Variants in GATB observed in about 807,000 individuals in gnomAD.
The protein encoded by GATB is glutamyl-tRNA(Gln) amidotransferase subunit B, mitochondrial.
A neutral mutation model predicts 62.3 loss-of-function variants in GATB; 39 were observed. The observed-to-expected ratio is 0.63, with a 90% CI of 0.48 to 0.82. The LOEUF (loss-of-function observed/expected upper bound fraction) is 0.82. Ranked by LOEUF, GATB falls within the 40% of genes least tolerant of loss-of-function variation. The pLI is 0.00. For missense variants in GATB, 670 were observed against 684.0 expected (o/e 0.98, Z 0.23); for synonymous variants, 276 against 258.9 (o/e 1.07, Z -0.63).
chr4:151,726,132 T>G (rs983777662), intron 2 of GATB, among the ~76,000 whole-genome samples: 5 of 152,364 alleles, frequency 3.3e-5, no homozygotes, highest in Non-Finnish European at 7.3e-5. Flanking sequence ...GGTAAATGCT[T>G]TAATTTATGG....
At chr4:151,758,972 ATGAAT>A (rs1348290749) in intron 1 of GATB, 50 bp from the exon 2 acceptor site, 2 of 1,350,722 alleles carry the variant, frequency 1.5e-6, no homozygotes, top group Admixed American at 4.4e-5. Context: ...GTCACCATGA[ATGAAT>A]TTCTATAAGT....
intron 2 of GATB, among the ~76,000 whole-genome samples, chr4:151,731,800 G>C: frequency 6.7e-6 from 1 of 148,696 alleles, no homozygotes; most frequent in South Asian, 2.1e-4. Context: ...GTCTCTGCCC[G>C]GCCGCCCCGT....
At chr4:151,681,763 A>C (rs774116422) in intron 10 of GATB, among the ~76,000 whole-genome samples, 6 of 152,222 alleles carry the variant, frequency 3.9e-5, no homozygotes, top group Non-Finnish European at 8.8e-5. Flanking sequence ...GTCCAAGATA[A>C]AGGCGCTGGC....
intron 1 of GATB, among the ~76,000 whole-genome samples, chr4:151,760,576 C>CAA (rs1469464119): frequency 1.3e-5 from 2 of 152,232 alleles, no homozygotes; most frequent in African/African-American, 4.8e-5. Context: ...TGCTATTTTA[C>CAA]ACTCGCGAAT....
chr4:151,748,101 T>C (rs962754486), intron 2 of GATB, among the ~76,000 whole-genome samples: 3 of 152,230 alleles, frequency 2.0e-5, no homozygotes, highest in Non-Finnish European at 4.4e-5. Context: ...AGGTAATTTA[T>C]AGATTCAATG....
At chr4:151,707,886 A>G (rs1560851721) in intron 6 of GATB, 102 bp downstream of exon 6, 2 of 757,606 alleles carry the variant, frequency 2.6e-6, no homozygotes, top group Non-Finnish European at 4.5e-6. Context: ...AGTGAAAACG[A>G]AAGTAGTTCT....
intron 2 of GATB, among the ~76,000 whole-genome samples, chr4:151,755,928 A>G (rs775778680): frequency 3.9e-5 from 6 of 152,216 alleles, no homozygotes; most frequent in Non-Finnish European, 7.3e-5. Context: ...ATAGTAGGAC[A>G]CAATAGATAT....
chr4:151,698,591 A>C (rs1202297352), intron 9 of GATB, among the ~76,000 whole-genome samples: 1 of 152,200 alleles, frequency 6.6e-6, no homozygotes, highest in African/African-American at 2.4e-5. Context: ...TGAAGGCAGG[A>C]AAAAACACGA....
chr4:151,706,911 T>G (rs1738726692), intron 6 of GATB, among the ~76,000 whole-genome samples: 1 of 152,242 alleles, frequency 6.6e-6, no homozygotes. Context: ...TTAAAAAATC[T>G]TTTTAGTCCT....
intron 7 of GATB, among the ~76,000 whole-genome samples, chr4:151,704,226 A>C (rs1236878729): frequency 6.6e-6 from 1 of 152,196 alleles, no homozygotes; most frequent in Non-Finnish European, 1.5e-5. Flanking sequence ...CAAGTTATCT[A>C]AACAAAAATA....
At chr4:151,728,463 T>C (rs1362228946) in intron 2 of GATB, among the ~76,000 whole-genome samples, 3 of 152,246 alleles carry the variant, frequency 2.0e-5, no homozygotes, top group Non-Finnish European at 4.4e-5. Context: ...AGATCTTTAG[T>C]GAAGAAAGAT....
At position 151,698,408 on chromosome 4, in the gene GATB, A is replaced by C. The variant is rs151208341; in HGVS notation, c.1197+2921T>G. Reference sequence around the variant, plus strand: ...TGTGCATGGGGGTGGGCATGTGCATAATGCTTAATTTAATAAGCAATCCAA... The same window carrying C: ...TGTGCATGGGGGTGGGCATGTGCATCATGCTTAATTTAATAAGCAATCCAA... On this transcript the variant is annotated intron_variant, in intron 9 of 12. Transcript: ENST00000263985. 4.1e-3 allele frequency among the ~76,000 whole-genome samples: 617 copies of C among 152,254 alleles called. 4 individuals are homozygous for C. Among genetic ancestry groups the C allele is most frequent in the African/African-American group, 0.014 (582 of 41,540 alleles).
intron 2 of GATB, chr4:151,720,471 T>C (rs1739005990): frequency 6.6e-6 from 1 of 152,324 alleles, no homozygotes; most frequent in African/African-American, 2.4e-5. Flanking sequence ...AATAGTTCAT[T>C]TCCCTACTCT....
At chr4:151,681,915 G>A (rs1221423027) in intron 10 of GATB, among the ~76,000 whole-genome samples, 1 of 152,104 alleles carries the variant, frequency 6.6e-6, no homozygotes, top group African/African-American at 2.4e-5. Context: ...CCTCCCTCAT[G>A]ACCTAATCGC....
At chr4:151,691,499 A>C (rs1281101792) in intron 9 of GATB, among the ~76,000 whole-genome samples, 1 of 152,198 alleles carries the variant, frequency 6.6e-6, no homozygotes, top group African/African-American at 2.4e-5. Flanking sequence ...CATTAACAGG[A>C]ACCCTTGATT....
At chr4:151,672,528 A>G (rs972818876) in intron 12 of GATB, 2 of 518,848 alleles carry the variant, frequency 3.9e-6, no homozygotes, top group Non-Finnish European at 6.9e-6. Flanking sequence ...CTCCATGGAG[A>G]GTAAACTCCA....
At chr4:151,738,952 T>A (rs975654779) in intron 2 of GATB, among the ~76,000 whole-genome samples, 49 of 152,198 alleles carry the variant, frequency 3.2e-4, no homozygotes, top group African/African-American at 1.0e-3. Flanking sequence ...ATCAGTTTCC[T>A]CTCCTATCAA....
intron 1 of GATB, 143 bp downstream of exon 1, chr4:151,760,664 T>G (rs1739935342): frequency 1.7e-6 from 1 of 605,482 alleles, no homozygotes; most frequent in East Asian, 3.1e-5. Context: ...GTGCTTTTAT[T>G]TAGGTTTCGG....
chr4:151,742,816 A>C (rs1739519413), intron 2 of GATB, among the ~76,000 whole-genome samples: 1 of 152,210 alleles, frequency 6.6e-6, no homozygotes, highest in South Asian at 2.1e-4. Flanking sequence ...AAAATACACC[A>C]GAGAATCATC....
Sources: gnomAD v4.1 joint callset for allele counts (sites outside exome capture counted in the v4.1 genomes callset) on GRCh38, gnomAD v4.1.1 for gene constraint, MANE v1.5 for transcripts, NCBI Gene and HGNC (gene_info 2026-07-23, HGNC 2026-07-21) for gene names.